Variants in SHC3 observed in about 807,000 individuals in gnomAD.
SHC3 encodes the protein SHC-transforming protein 3.
In SHC3, 15 loss-of-function variants were observed where a neutral mutation model predicts 60.4. The ratio of observed to expected loss-of-function variants is 0.25; its 90% CI spans 0.17 to 0.38. The LOEUF (loss-of-function observed/expected upper bound fraction) is 0.38, where lower values mean the gene tolerates loss of function less well. SHC3 is among the 10% of genes least tolerant of loss of function. The pLI is 1.00. For synonymous variants in SHC3, 294 were observed against 325.9 expected (o/e 0.90, Z 1.05); for missense variants, 677 against 786.1 (o/e 0.86, Z 1.66).
intron 1 of SHC3, among the ~76,000 whole-genome samples, chr9:89,136,426 C>A (rs996595823): frequency 5.3e-5 from 8 of 152,132 alleles, no homozygotes; most frequent in Non-Finnish European, 4.4e-5. Context: ...GGCTAAAACC[C>A]ACCAAAACAG....
intron 7 of SHC3, 97 bp downstream of exon 7, chr9:89,051,940 T>G (rs1824868187): frequency 6.6e-7 from 1 of 1,526,688 alleles, no homozygotes; most frequent in Non-Finnish European, 8.9e-7. Flanking sequence ...TGTGATTAAT[T>G]GTGCCTGTCC....
At chr9:89,116,869 C>A (rs1826026599) in intron 1 of SHC3, among the ~76,000 whole-genome samples, 1 of 152,024 alleles carries the variant, frequency 6.6e-6, no homozygotes, top group South Asian at 2.1e-4. Context: ...CCACATCCAC[C>A]AGCACAGAAT....
chr9:89,128,649 G>C (rs554942999), intron 1 of SHC3, among the ~76,000 whole-genome samples: 7 of 152,158 alleles, frequency 4.6e-5, no homozygotes, highest in Non-Finnish European at 1.0e-4. Context: ...TTCTGGAGTG[G>C]ACCTCCAGCA....
intron 11 of SHC3, among the ~76,000 whole-genome samples, chr9:89,028,748 ATATT>A (rs1470343563): frequency 6.8e-6 from 1 of 146,018 alleles, no homozygotes; most frequent in Non-Finnish European, 1.5e-5. Context: ...ATATAGATAT[ATATT>A]CTCTCTATAT....
At chr9:89,098,668 G>A (rs143697227) in intron 2 of SHC3, among the ~76,000 whole-genome samples, 3,345 of 152,212 alleles carry the variant, frequency 0.022, 58 homozygotes, top group Non-Finnish European at 0.035. Flanking sequence ...AAAATTAGCC[G>A]GGCATGGTAG....
intron 2 of SHC3, chr9:89,110,132 C>T (rs1244872086): frequency 2.0e-6 from 2 of 985,278 alleles, no homozygotes; most frequent in African/African-American, 1.7e-5. Context: ...TTTGATTTGG[C>T]TTTCAAACTA....
At position 89,038,342 on chromosome 9, in the gene SHC3, T is replaced by TAAAA. The variant is rs4061828; in HGVS notation, c.1361-58_1361-55dup. 5.8e-5 allele frequency: 71 copies of TAAAA among 1,232,044 alleles called. No individual in the cohort carries two copies. In the African/African-American group the frequency reaches 1.1e-3, roughly 19 times the overall value. The allele number at this position is 1,232,044 out of a possible 1,614,324, so 76.3% of individuals were successfully genotyped here. A position where few individuals can be genotyped will look rare whatever the true frequency, so the allele number is the denominator to read the frequency against. On this transcript the variant is annotated intron_variant, in intron 10 of 11. Coordinates refer to ENST00000375835, the MANE Select transcript of SHC3 (RefSeq NM_016848.6). ...AGTCAATCCCAAGAAGAGCAAATGA[T>TAAAA]AAAAAAAAAAAAAAAAAAATACAGT...
At chr9:89,072,790 C>T (rs79514098) in intron 4 of SHC3, among the ~76,000 whole-genome samples, 3,571 of 152,248 alleles carry the variant, frequency 0.023, 62 homozygotes, top group Middle Eastern at 0.068. Context: ...CCCTTGTCCT[C>T]GGGCAGGCAG....
intron 5 of SHC3, among the ~76,000 whole-genome samples, chr9:89,070,680 T>C (rs1272575674): frequency 1.3e-5 from 2 of 152,194 alleles, no homozygotes; most frequent in Non-Finnish European, 2.9e-5. Flanking sequence ...TCGAGTCTTC[T>C]TCTTACTCTC....
intron 1 of SHC3, among the ~76,000 whole-genome samples, chr9:89,172,684 A>G (rs1268502203): frequency 6.6e-6 from 1 of 152,070 alleles, no homozygotes; most frequent in Non-Finnish European, 1.5e-5. Flanking sequence ...TTTTTCCACC[A>G]CATACTATAG....
chr9:89,137,144 C>G (rs1002567900), intron 1 of SHC3, among the ~76,000 whole-genome samples: 1 of 152,050 alleles, frequency 6.6e-6, no homozygotes, highest in African/African-American at 2.4e-5. Flanking sequence ...CACCTTGCAC[C>G]CGGTCCCTCC....
intron 6 of SHC3, among the ~76,000 whole-genome samples, chr9:89,057,062 A>T (rs1446662660): frequency 1.3e-5 from 2 of 152,220 alleles, no homozygotes; most frequent in Non-Finnish European, 2.9e-5. Context: ...CACATTCCAG[A>T]GCAGCTGGCC....
At chr9:89,162,188 A>T (rs1273602853) in intron 1 of SHC3, among the ~76,000 whole-genome samples, 2 of 146,066 alleles carry the variant, frequency 1.4e-5, no homozygotes, top group Non-Finnish European at 3.0e-5. Context: ...TACAGATTCA[A>T]TGCCATCCCC....
chr9:89,046,081 C>G (rs1403353182), intron 8 of SHC3, among the ~76,000 whole-genome samples: 1 of 134,390 alleles, frequency 7.4e-6, no homozygotes, highest in Admixed American at 7.8e-5. Flanking sequence ...TTACCCCCCC[C>G]ACCCCTCCCG....
At chr9:89,026,211 G>A (rs1039969657) in intron 11 of SHC3, among the ~76,000 whole-genome samples, 12 of 143,278 alleles carry the variant, frequency 8.4e-5, no homozygotes, top group East Asian at 8.2e-4. Context: ...CTGAGATTGC[G>A]CCACTGTACT....
At position 89,042,134 on chromosome 9, in the gene SHC3, TG is replaced by T. The variant is rs869042157; in HGVS notation, c.1251del (p.Thr418ArgfsTer36). 6.4e-7 allele frequency: 1 copy of T among 1,567,636 alleles called. No individual in the cohort carries two copies. Among genetic ancestry groups the T allele is most frequent in the South Asian group, 1.2e-5 (1 of 83,196 alleles). On this transcript the variant is annotated frameshift_variant, in exon 10 of 12. Transcript: ENST00000375835. LOFTEE classifies it high-confidence loss of function. Reference protein sequence around the residue: ...STPEGKLHVAPTGEAPTYVNT... With the variant: ...STPEGKLHVAXTGEAPTYVNT... ...TTGACGTAGGTGGGTGCTTCTCCCGTGGGGGCCACGTGCAGTTTCCCTTCTG... is the reference window on the plus strand; with the variant it reads ...TTGACGTAGGTGGGTGCTTCTCCCGTGGGGCCACGTGCAGTTTCCCTTCTG...
chr9:89,074,668 T>A, intron 4 of SHC3, among the ~76,000 whole-genome samples: 1 of 97,618 alleles, frequency 1.0e-5, no homozygotes, highest in African/African-American at 4.1e-5. Context: ...TACAAGATGC[T>A]CCAAAACAAT....
chr9:89,007,950 T>G lies in SHC3; in HGVS notation c.*5497A>C, dbSNP rs1304496832. Reference sequence around the variant, plus strand: ...TCTTCACGTTTGTTTGACTTCCTACTTAGCTGTAAAACCAAAGCCCAGGGA... The same window carrying G: ...TCTTCACGTTTGTTTGACTTCCTACGTAGCTGTAAAACCAAAGCCCAGGGA... On this transcript the variant is annotated 3_prime_UTR_variant, in exon 12 of 12. Transcript: ENST00000375835. The G allele has an allele frequency of 1.3e-5, 2 of 152,272 alleles. No individual in the cohort carries two copies. Among genetic ancestry groups the G allele is most frequent in the Admixed American group, 1.3e-4 (2 of 15,286 alleles). The allele number at this position is 152,272 out of a possible 1,614,324, so 9.4% of individuals were successfully genotyped here. A position where few individuals can be genotyped will look rare whatever the true frequency, so the allele number is the denominator to read the frequency against.
At chr9:89,170,958 C>T (rs1392951787) in intron 1 of SHC3, among the ~76,000 whole-genome samples, 1 of 152,094 alleles carries the variant, frequency 6.6e-6, no homozygotes, top group African/African-American at 2.4e-5. Flanking sequence ...GGAACCAATC[C>T]CCCTCAGATC....
Sources: gnomAD v4.1 joint callset for allele counts (sites outside exome capture counted in the v4.1 genomes callset) on GRCh38, gnomAD v4.1.1 for gene constraint, MANE v1.5 for transcripts, NCBI Gene and HGNC (gene_info 2026-07-23, HGNC 2026-07-21) for gene names.